Variants in STK39 observed in about 807,000 individuals in gnomAD.
STK39 encodes serine/threonine kinase 39, also known as STE20/SPS1-related proline-alanine-rich protein kinase.
Under a neutral mutation model 77.8 loss-of-function variants are expected in STK39, and 20 were observed. The ratio of observed to expected loss-of-function variants is 0.26; its 90% CI spans 0.18 to 0.37. The LOEUF (loss-of-function observed/expected upper bound fraction) is 0.37. Among genes scored for constraint, STK39 ranks in the 10% least tolerant of loss-of-function variants. The pLI is 1.00. For synonymous variants in STK39, 246 were observed against 234.1 expected (o/e 1.05, Z -0.47); for missense variants, 479 against 656.5 (o/e 0.73, Z 2.95).
Position 168,022,184 on chromosome 2 carries a change from A to G in STK39, c.1377-5089T>C, listed in dbSNP as rs75859863. On this transcript the variant is annotated intron_variant, in intron 14 of 17. Coordinates refer to ENST00000355999, the MANE Select transcript of STK39 (RefSeq NM_013233.3). ...CCATTCTATGAACAGACTGTTTCCAATCTTTCACTATTGTAAACAGTGCTT... is the reference window on the plus strand; with the variant it reads ...CCATTCTATGAACAGACTGTTTCCAGTCTTTCACTATTGTAAACAGTGCTT... Among the ~76,000 whole-genome samples the G allele has an allele frequency of 3.7e-3, 566 of 152,242 alleles. 3 individuals carry two copies. Among genetic ancestry groups the G allele is most frequent in the African/African-American group, 0.013 (535 of 41,544 alleles).
At chr2:168,116,360 C>T (rs1380952268) in intron 10 of STK39, among the ~76,000 whole-genome samples, 3 of 152,208 alleles carry the variant, frequency 2.0e-5, no homozygotes, top group Admixed American at 1.3e-4. Flanking sequence ...TCATTAGACA[C>T]TCTTCTAAAT....
At chr2:168,088,296 A>G (rs772316349) in intron 10 of STK39, among the ~76,000 whole-genome samples, 1 of 152,194 alleles carries the variant, frequency 6.6e-6, no homozygotes, top group Non-Finnish European at 1.5e-5. Flanking sequence ...CATTTGGTCT[A>G]TTACTCAGCT....
intron 16 of STK39, among the ~76,000 whole-genome samples, chr2:167,985,546 A>C (rs1352459419): frequency 2.0e-5 from 3 of 152,148 alleles, no homozygotes; most frequent in Non-Finnish European, 1.5e-5. Context: ...AGGAAGTTCC[A>C]ATCTTCCTTC....
chr2:168,019,323 A>G (rs1357279333), intron 14 of STK39, among the ~76,000 whole-genome samples: 1 of 152,194 alleles, frequency 6.6e-6, no homozygotes, highest in African/African-American at 2.4e-5. Context: ...CCTTTATGCC[A>G]TTATATTGTT....
chr2:168,231,359 G>C (rs905751773), intron 1 of STK39, among the ~76,000 whole-genome samples: 4 of 151,970 alleles, frequency 2.6e-5, no homozygotes, highest in Admixed American at 6.6e-5. Context: ...CACCACCTTT[G>C]TTAACATAAT....
chr2:168,074,984 C>T lies in STK39; in HGVS notation c.1240G>A (p.Glu414Lys), dbSNP rs369988565. Residue 414 changes from glutamate to lysine, a missense_variant and splice_region_variant, in exon 12 of 18, where the codon GAG (glutamate) becomes AAG (lysine). Coordinates refer to ENST00000355999, the MANE Select transcript of STK39 (RefSeq NM_013233.3). ...KSRRVKEENP[E>K]IAVSASTIPE... Reference sequence around the variant, plus strand: ...ATAAATAAATAGCCACAGCTCACCTCTGGATTTTCTTCTTTTACTCTTCGT... The same window carrying T: ...ATAAATAAATAGCCACAGCTCACCTTTGGATTTTCTTCTTTTACTCTTCGT... 3 of 1,613,434 alleles carry T rather than the reference C, an allele frequency of 1.9e-6. No homozygotes were observed. The African/African-American group carries it at 4.0e-5, about 22-fold the overall frequency.
At chr2:167,956,688 ACACACACACTCTCTCT>A (rs1468597454) in intron 17 of STK39, among the ~76,000 whole-genome samples, 5 of 46,242 alleles carry the variant, frequency 1.1e-4, no homozygotes, top group African/African-American at 4.6e-4. Flanking sequence ...ACACACACAC[ACACACACACTCTCTCT>A]CTCTCTCTCT....
intron 8 of STK39, among the ~76,000 whole-genome samples, chr2:168,136,072 T>C (rs1048375524): frequency 1.3e-5 from 2 of 151,732 alleles, no homozygotes; most frequent in Non-Finnish European, 2.9e-5. Context: ...TCAAGATTAT[T>C]AAGAAATAAA....
At chr2:167,981,388 G>GCTCTTCCTA (rs1412517120) in intron 16 of STK39, among the ~76,000 whole-genome samples, 1 of 152,172 alleles carries the variant, frequency 6.6e-6, no homozygotes, top group Admixed American at 6.5e-5. Context: ...ATATTATCCT[G>GCTCTTCCTA]CTCTTCCTAC....
chr2:167,963,453 A>G (rs1257745075), intron 17 of STK39, among the ~76,000 whole-genome samples: 3 of 152,038 alleles, frequency 2.0e-5, no homozygotes, highest in Non-Finnish European at 4.4e-5. Context: ...TAAAAAAATG[A>G]ATAAAGGGAC....
chr2:167,974,153 T>C (rs1022870489), intron 16 of STK39, among the ~76,000 whole-genome samples: 6 of 152,176 alleles, frequency 3.9e-5, no homozygotes, highest in Admixed American at 1.3e-4. Context: ...AATAAACTAC[T>C]GACAAAAAAA....
chr2:168,240,267 G>A (rs1422929504), intron 1 of STK39, among the ~76,000 whole-genome samples: 1 of 152,194 alleles, frequency 6.6e-6, no homozygotes, highest in African/African-American at 2.4e-5. Context: ...TAAACACTGT[G>A]CTTCAAATTA....
chr2:168,217,270 T>G (rs1574564731), intron 1 of STK39, among the ~76,000 whole-genome samples: 1 of 152,278 alleles, frequency 6.6e-6, no homozygotes, highest in African/African-American at 2.4e-5. Context: ...TGGTAGAATT[T>G]CCTATGGACC....
intron 14 of STK39, among the ~76,000 whole-genome samples, chr2:168,048,388 ATT>A (rs776910849): frequency 1.4e-3 from 217 of 151,972 alleles, no homozygotes; most frequent in Middle Eastern, 6.8e-3. Context: ...AATTTTTTGT[ATT>A]TTTAGTAGAG....
chr2:167,961,592 A>G (rs1223137821), intron 17 of STK39, among the ~76,000 whole-genome samples: 2 of 152,218 alleles, frequency 1.3e-5, no homozygotes, highest in Non-Finnish European at 2.9e-5. Flanking sequence ...CTAAAAAAAA[A>G]TACATCAAAC....
rs201326156 is a variant in STK39, at chr2:167,954,334, T to C, written c.*1162A>G. ...ATCCTAAGGTTTACTAGTTCCATAA[T>C]ATACAGTCAAGCAGAGGGCTACTTG... is the stretch of plus-strand genomic sequence containing the variant. On this transcript the variant is annotated 3_prime_UTR_variant, in exon 18 of 18. Coordinates refer to ENST00000355999, the MANE Select transcript of STK39 (RefSeq NM_013233.3). 2 of 152,714 alleles carry C rather than the reference T, an allele frequency of 1.3e-5. No homozygotes were observed. The highest frequency in any genetic ancestry group is 2.9e-5 in the Non-Finnish European group (2 of 68,016). The allele number at this position is 152,714 out of a possible 1,614,324, so 9.5% of individuals were successfully genotyped here.
chr2:168,010,221 G>A (rs1684236651), intron 16 of STK39, among the ~76,000 whole-genome samples: 1 of 151,532 alleles, frequency 6.6e-6, no homozygotes, highest in Admixed American at 6.5e-5. Context: ...TTTCTATTCT[G>A]GATGCTTAGC....
At chr2:168,080,396 G>A (rs940955910) in intron 10 of STK39, among the ~76,000 whole-genome samples, 4 of 152,156 alleles carry the variant, frequency 2.6e-5, no homozygotes, top group Non-Finnish European at 4.4e-5. Context: ...TTGGGAGGCC[G>A]AGGTGGGCAG....
intron 14 of STK39, among the ~76,000 whole-genome samples, chr2:168,059,442 C>G (rs1306416599): frequency 6.6e-6 from 1 of 152,100 alleles, no homozygotes; most frequent in Admixed American, 6.5e-5. Flanking sequence ...AAGACCGAGG[C>G]CTTGGGAGTG....
Sources: gnomAD v4.1 joint callset for allele counts (sites outside exome capture counted in the v4.1 genomes callset) on GRCh38, gnomAD v4.1.1 for gene constraint, MANE v1.5 for transcripts, NCBI Gene and HGNC (gene_info 2026-07-23, HGNC 2026-07-21) for gene names.